Variants in THAP9 observed in about 807,000 individuals in gnomAD.
THAP9 encodes the protein THAP domain containing 9.
A neutral mutation model predicts 35.7 loss-of-function variants in THAP9; 20 were observed. The observed-to-expected ratio is 0.56, with a 90% CI of 0.39 to 0.81. THAP9 has a LOEUF of 0.81. Ranked by LOEUF, THAP9 falls within the 40% of genes least tolerant of loss-of-function variation. THAP9 has a pLI of 0.00. For missense variants in THAP9, 870 were observed against 1,047.4 expected (o/e 0.83, Z 2.34); for synonymous variants, 335 against 373.7 (o/e 0.90, Z 1.19).
In THAP9 at chr4:82,919,677, CAG is replaced by C. The variant is rs1304066094; in HGVS notation, c.*754_*755del. The C allele has an allele frequency of 2.0e-5, 3 of 152,202 alleles. No homozygotes were observed. Among genetic ancestry groups the C allele is most frequent in the African/African-American group, 7.2e-5 (3 of 41,450 alleles). 9.4% of individuals were successfully genotyped at this position (152,202 alleles called of 1,614,324 possible). A position where few individuals can be genotyped will look rare whatever the true frequency, so the allele number is the denominator to read the frequency against. On this transcript the variant is annotated 3_prime_UTR_variant, in exon 5 of 5. Coordinates refer to ENST00000302236, the MANE Select transcript of THAP9 (RefSeq NM_024672.6). ...AAAGAGCTCAATGCTCATCGGAAAA[CAG>C]GGAGAAACCTAATCTGAAGATGGAA... is the stretch of plus-strand genomic sequence containing the variant.
Position 82,917,362 on chromosome 4 carries a change from A to G in THAP9, c.1150A>G (p.Lys384Glu), listed in dbSNP as rs372990334. 37 of 1,613,292 alleles carry G rather than the reference A, an allele frequency of 2.3e-5. No individual in the cohort carries two copies. The African/African-American group carries it at 4.1e-4, about 18-fold the overall frequency. The change falls in exon 5 of 5, where the codon AAA (lysine) becomes GAA (glutamate). Residue 384 changes from lysine (K) to glutamate (E), a missense_variant. This residue lies in a region of THAP9 where 440 missense variants were observed against 501.2 expected (regional missense o/e 0.88). Coordinates refer to ENST00000302236, the MANE Select transcript of THAP9 (RefSeq NM_024672.6). ...CACAGCACATAGTGTTCAGATGGCA[A>G]AAGCATTGGGGATACATATTGATGG... ...DATAHSVQMA[K>E]ALGIHIDGDD...
intron 1 of THAP9, 149 bp from the exon 2 acceptor site, chr4:82,904,587 A>C (rs957591472): frequency 1.5e-5 from 11 of 750,224 alleles, no homozygotes; most frequent in Non-Finnish European, 2.2e-5. Context: ...AGAACTTTGA[A>C]AAATGAACTA....
intron 1 of THAP9, among the ~76,000 whole-genome samples, chr4:82,901,705 C>A (rs1239942218): frequency 1.9e-5 from 1 of 53,846 alleles, no homozygotes; most frequent in Non-Finnish European, 3.3e-5. Flanking sequence ...GTATAAAATT[C>A]ATTGATTTTT....
intron 3 of THAP9, among the ~76,000 whole-genome samples, 160 bp downstream of exon 3, chr4:82,906,787 T>C (rs1720665884): frequency 6.6e-6 from 1 of 152,138 alleles, no homozygotes; most frequent in Admixed American, 6.5e-5. Context: ...CAAAATTCTT[T>C]TGTATCTTAT....
In THAP9 at chr4:82,906,475, A is replaced by G; in HGVS notation, c.428A>G (p.Gln143Arg). The stretch of plus-strand genomic sequence containing the variant: ...GGTGCAGAGAAACTGGCTGAGGTGC[A>G]ACAAATGTTACAAGTGTCCAAAAAA... ...TIGAEKLAEV[Q>R]QMLQVSKKRL... Residue 143 changes from glutamine to arginine, a missense_variant, in exon 3 of 5, where the codon CAA becomes CGA. Gln to Arg is a conservative substitution (Grantham distance 43). Coordinates refer to ENST00000302236, the MANE Select transcript of THAP9 (RefSeq NM_024672.6). 4 of 1,613,888 alleles carry G rather than the reference A, an allele frequency of 2.5e-6. No individual in the cohort carries two copies. The highest frequency in any genetic ancestry group is 3.4e-6 in the Non-Finnish European group (4 of 1,179,792).
At position 82,906,445 on chromosome 4, in the gene THAP9, C is replaced by T. The variant is rs201191973; in HGVS notation, c.398C>T (p.Thr133Met). ...DHNYSLKTPL[T>M]IGAEKLAEVQ... ...AACTATAGTTTAAAGACACCTTTGA[C>T]GATAGGTGCAGAGAAACTGGCTGAG... Residue 133 changes from threonine to methionine, a missense_variant, in exon 3 of 5, where the codon ACG becomes ATG. This residue lies in a region of THAP9 where 440 missense variants were observed against 501.2 expected (regional missense o/e 0.88). Coordinates refer to ENST00000302236, the MANE Select transcript of THAP9 (RefSeq NM_024672.6). 1.2e-5 allele frequency: 20 copies of T among 1,613,738 alleles called. No homozygotes were observed. The highest frequency in any genetic ancestry group is 1.2e-4 in the Admixed American group (7 of 60,022).
At position 82,919,834 on chromosome 4, in the gene THAP9, G is replaced by A. The variant is rs1359923196; in HGVS notation, c.*910G>A. ...AGAAACAAGCACATTATTCACCTGT[G>A]TTGTAAAACATCTACTCTTTTTTGT... On this transcript the variant is annotated 3_prime_UTR_variant, in exon 5 of 5. Coordinates refer to ENST00000302236, the MANE Select transcript of THAP9 (RefSeq NM_024672.6). The A allele has an allele frequency of 1.3e-5, 2 of 152,188 alleles. No homozygotes were observed. Among genetic ancestry groups the A allele is most frequent in the Admixed American group, 1.3e-4 (2 of 15,276 alleles). 9.4% of individuals were successfully genotyped at this position (152,188 alleles called of 1,614,324 possible).
At chr4:82,912,129 T>C (rs1431918609) in intron 4 of THAP9, among the ~76,000 whole-genome samples, 2 of 152,230 alleles carry the variant, frequency 1.3e-5, no homozygotes, top group African/African-American at 4.8e-5. Flanking sequence ...TTCCCAAAGC[T>C]GTGTTTTTTA....
intron 4 of THAP9, among the ~76,000 whole-genome samples, chr4:82,916,162 CTCTCCCTCAGAATCCCTTTAGTTT>C (rs1350762930): frequency 1.3e-5 from 2 of 152,234 alleles, no homozygotes; most frequent in African/African-American, 4.8e-5. Context: ...ACATCCTAGT[CTCTCCCTCAGAATCCCTTTAGTTT>C]TAGACAGTTA....
In THAP9 at chr4:82,918,350, G is replaced by A. The variant is rs1392435034; in HGVS notation, c.2138G>A (p.Arg713Gln). Residue 713 changes from arginine to glutamine, a missense_variant, in exon 5 of 5, where the codon CGA becomes CAA. Arg to Gln is a conservative substitution (Grantham distance 43). Transcript: ENST00000302236. ...TTACTAGACCTGTCAGATCATAGGCGAAATCTCATCTGTTATGCTGGTTAT... is the reference window on the plus strand; with the variant it reads ...TTACTAGACCTGTCAGATCATAGGCAAAATCTCATCTGTTATGCTGGTTAT... ...EALLDLSDHRRNLICYAGYVA... is the reference protein window; with the variant it reads ...EALLDLSDHRQNLICYAGYVA... The A allele has an allele frequency of 5.6e-6, 9 of 1,614,022 alleles. No homozygotes were observed. Among genetic ancestry groups the A allele is most frequent in the South Asian group, 2.2e-5 (2 of 91,084 alleles).
intron 4 of THAP9, among the ~76,000 whole-genome samples, chr4:82,916,086 A>G (rs1011327021): frequency 6.6e-6 from 1 of 152,224 alleles, no homozygotes; most frequent in African/African-American, 2.4e-5. Flanking sequence ...GCCTTAGAAT[A>G]TAGCCAAAAA....
Position 82,907,797 on chromosome 4 carries a change from A to T in THAP9, c.593A>T (p.Glu198Val). Residue 198 changes from glutamate (E) to valine (V), a missense_variant, in exon 4 of 5, where the codon GAG (glutamate) becomes GTG (valine). Physicochemically the swap from Glu to Val is moderately radical, Grantham distance 121. Around this residue, in one of 3 missense-constraint regions of THAP9, gnomAD observed 440 missense variants for 501.2 expected, o/e 0.88. Coordinates refer to ENST00000302236, the MANE Select transcript of THAP9 (RefSeq NM_024672.6). ...LRAQFSDFKW[E>V]LYNWRETDEY... ...TTTATTTTAACAGATTTTAAGTGGG[A>T]GTTATATAATTGGAGAGAAACAGAT... 1.3e-6 allele frequency: 2 copies of T among 1,584,380 alleles called. No individual in the cohort carries two copies. The highest frequency in any genetic ancestry group is 1.7e-6 in the Non-Finnish European group (2 of 1,171,204).
chr4:82,910,972 C>A (rs950472978), intron 4 of THAP9, among the ~76,000 whole-genome samples: 1 of 152,066 alleles, frequency 6.6e-6, no homozygotes, highest in African/African-American at 2.4e-5. Context: ...ATTGTGGGCT[C>A]TTCCATGGAG....
chr4:82,913,835 C>T (rs1331217787), intron 4 of THAP9, among the ~76,000 whole-genome samples: 2 of 151,928 alleles, frequency 1.3e-5, no homozygotes, highest in Non-Finnish European at 2.9e-5. Flanking sequence ...CTCCCAGGTT[C>T]AAGTGATTCT....
intron 4 of THAP9, chr4:82,910,281 A>T (rs1160519134): frequency 6.6e-6 from 1 of 152,168 alleles, no homozygotes; most frequent in Non-Finnish European, 1.5e-5. Flanking sequence ...TAAGTAAGGT[A>T]TATTGTTTAG....
intron 4 of THAP9, among the ~76,000 whole-genome samples, chr4:82,912,724 G>A (rs1720906225): frequency 6.6e-6 from 1 of 152,114 alleles, no homozygotes; most frequent in South Asian, 2.1e-4. Context: ...TTATTCCTAG[G>A]AATTACAAAA....
chr4:82,906,268 A>C, intron 2 of THAP9, 56 bp from the exon 3 acceptor site: 1 of 1,396,296 alleles, frequency 7.2e-7, no homozygotes, highest in Non-Finnish European at 9.7e-7. Context: ...ATTTTTACAG[A>C]TACTCTTCTA....
intron 4 of THAP9, among the ~76,000 whole-genome samples, chr4:82,913,962 C>T (rs1720956064): frequency 6.6e-6 from 1 of 152,058 alleles, no homozygotes; most frequent in African/African-American, 2.4e-5. Flanking sequence ...GCCTCAAACT[C>T]CTGACCTCAG....
In THAP9 at chr4:82,917,017, A is replaced by C. The variant is rs1293040181; in HGVS notation, c.805A>C (p.Asn269His). Reference sequence around the variant, plus strand: ...TTCTTTTCTTCAACGAAGAGTAGAGAATGGAGATCAGCTCTATCAATACTG... The same window carrying C: ...TTCTTTTCTTCAACGAAGAGTAGAGCATGGAGATCAGCTCTATCAATACTG... ...IFSFLQRRVE[N>H]GDQLYQYCSL... The change falls in exon 5 of 5, where the codon AAT becomes CAT. Residue 269 changes from asparagine (N) to histidine (H), a missense_variant. By Grantham distance (68) the Asn-to-His change is moderately conservative (BLOSUM62 1). Around this residue, in one of 3 missense-constraint regions of THAP9, gnomAD observed 440 missense variants for 501.2 expected, o/e 0.88. Transcript: ENST00000302236. The C allele has an allele frequency of 1.3e-6, 2 of 1,587,098 alleles. No individual in the cohort carries two copies. Among genetic ancestry groups the C allele is most frequent in the Non-Finnish European group, 1.7e-6 (2 of 1,169,472 alleles).
Sources: gnomAD v4.1 joint callset for allele counts (sites outside exome capture counted in the v4.1 genomes callset) on GRCh38, gnomAD v4.1.1 for gene constraint, gnomAD v4.1.1 regional missense constraint, MANE v1.5 for transcripts, NCBI Gene and HGNC (gene_info 2026-07-23, HGNC 2026-07-21) for gene names.